ATP8A2: variants seen among roughly 807,000 people sequenced by gnomAD.
The protein encoded by ATP8A2 is phospholipid-transporting ATPase IB.
ATP8A2 carries 100 observed loss-of-function variants against 165.6 expected under a neutral mutation model. The ratio of observed to expected loss-of-function variants is 0.60; its 90% CI spans 0.51 to 0.71. ATP8A2 has a LOEUF of 0.71. ATP8A2 is among the 30% of genes least tolerant of loss of function. ATP8A2 has a pLI of 0.00. For missense variants in ATP8A2, 1,227 were observed against 1,479.5 expected, an observed-to-expected ratio of 0.83 and a Z score of 2.80; for synonymous variants, 543 against 548.8, an observed-to-expected ratio of 0.99 and a Z score of 0.15.
At chr13:25,729,822 G>A (rs1009560154) in intron 25 of ATP8A2, among the ~76,000 whole-genome samples, 2 of 152,134 alleles carry the variant, frequency 1.3e-5, no homozygotes, top group African/African-American at 4.8e-5. Context: ...ACATTGTTCG[G>A]GATGCTAAGT....
chr13:25,691,083 A>G (rs2042714674), intron 24 of ATP8A2, among the ~76,000 whole-genome samples: 1 of 152,246 alleles, frequency 6.6e-6, no homozygotes, highest in South Asian at 2.1e-4. Flanking sequence ...CTAGGTGAAT[A>G]GGCCAAACAG....
intron 1 of ATP8A2, among the ~76,000 whole-genome samples, chr13:25,421,471 A>C (rs956857695): frequency 2.6e-5 from 4 of 152,146 alleles, no homozygotes; most frequent in Non-Finnish European, 5.9e-5. Context: ...AGTAGCTAGG[A>C]CTACAGGCCC....
chr13:25,989,594 C>T (rs1194507146), intron 35 of ATP8A2, among the ~76,000 whole-genome samples: 1 of 152,180 alleles, frequency 6.6e-6, no homozygotes, highest in African/African-American at 2.4e-5. Context: ...AGCCCAAAGC[C>T]TTGCTTCAGA....
chr13:25,835,206 A>G (rs866962551), intron 28 of ATP8A2, among the ~76,000 whole-genome samples: 3 of 152,152 alleles, frequency 2.0e-5, no homozygotes, highest in Non-Finnish European at 4.4e-5. Context: ...ATGTACTAAG[A>G]AAGTGTGCAT....
At chr13:25,895,898 A>G (rs1953529119) in intron 33 of ATP8A2, among the ~76,000 whole-genome samples, 1 of 151,964 alleles carries the variant, frequency 6.6e-6, no homozygotes, top group Non-Finnish European at 1.5e-5. Flanking sequence ...GTCATTTTTT[A>G]TTGCATCCAT....
chr13:25,635,742 C>T (rs1022427187), intron 24 of ATP8A2, among the ~76,000 whole-genome samples: 2 of 152,176 alleles, frequency 1.3e-5, no homozygotes, highest in Non-Finnish European at 2.9e-5. Flanking sequence ...TTTTAGTGTC[C>T]TCACATCCCC....
At chr13:25,467,525 G>C (rs1266683660) in intron 1 of ATP8A2, among the ~76,000 whole-genome samples, 1 of 151,974 alleles carries the variant, frequency 6.6e-6, no homozygotes, top group African/African-American at 2.4e-5. Context: ...TTTGTAACAG[G>C]GAAGTGAAGG....
intron 1 of ATP8A2, among the ~76,000 whole-genome samples, chr13:25,441,296 G>A (rs1018048359): frequency 2.0e-5 from 3 of 152,200 alleles, no homozygotes; most frequent in African/African-American, 7.2e-5. Context: ...AGTCATAACT[G>A]ATGAAAATTC....
chr13:26,015,927 G>A (rs1489338916), intron 36 of ATP8A2, among the ~76,000 whole-genome samples: 1 of 152,218 alleles, frequency 6.6e-6, no homozygotes, highest in Non-Finnish European at 1.5e-5. Context: ...GGTTCATTAG[G>A]CAGAGCTGGG....
Position 25,478,690 on chromosome 13 carries a change from T to G in ATP8A2, c.221+9569T>G, listed in dbSNP as rs1000246224. ...ACTCTGATGGATTATTCTATGTATC[T>G]TCAGTCTACGTATAACATATACCAT... On this transcript the variant is annotated intron_variant, in intron 2 of 36. Transcript: ENST00000381655. 3.3e-5 allele frequency among the ~76,000 whole-genome samples: 5 copies of G among 152,320 alleles called. No individual in the cohort carries two copies. The South Asian group carries it at 8.3e-4, about 25-fold the overall frequency.
intron 24 of ATP8A2, among the ~76,000 whole-genome samples, chr13:25,593,230 G>C (rs1359727032): frequency 6.6e-6 from 1 of 152,136 alleles, no homozygotes; most frequent in Non-Finnish European, 1.5e-5. Flanking sequence ...TAACAATGCA[G>C]ATGGGACAGG....
At chr13:25,573,818 G>A (rs902568302) in intron 18 of ATP8A2, among the ~76,000 whole-genome samples, 12 of 152,024 alleles carry the variant, frequency 7.9e-5, no homozygotes, top group Non-Finnish European at 2.9e-5. Context: ...AGTGAATAAA[G>A]ATTGATGAAG....
chr13:25,697,036 C>T (rs375997796), intron 24 of ATP8A2, among the ~76,000 whole-genome samples: 1 of 152,144 alleles, frequency 6.6e-6, no homozygotes, highest in Non-Finnish European at 1.5e-5. Context: ...CACAGAGGCA[C>T]GAAGTGAGCC....
rs367950899 is a variant in ATP8A2 at position 25,911,077 on chromosome 13, GC to G, written c.3183+48673del. The stretch of plus-strand genomic sequence containing the variant: ...AACCCTGGTGGCTTCTTTAGAGCCA[GC>G]CCCTCCAAACAGCCCTGACACAATT... On this transcript the variant is annotated intron_variant, in intron 33 of 36. Coordinates refer to ENST00000381655, the MANE Select transcript of ATP8A2 (RefSeq NM_016529.6). Among the ~76,000 whole-genome samples, 368 of 152,150 alleles carry G rather than the reference GC, an allele frequency of 2.4e-3. 4 individuals are homozygous for G. Among genetic ancestry groups the G allele is most frequent in the African/African-American group, 8.4e-3 (347 of 41,508 alleles).
chr13:25,839,576 G>C lies in ATP8A2; in HGVS notation c.2908G>C (p.Val970Leu). The change falls in exon 30 of 37, where the codon GTC becomes CTC. Residue 970 changes from valine (V) to leucine (L), a missense_variant. Coordinates refer to ENST00000381655, the MANE Select transcript of ATP8A2 (RefSeq NM_016529.6). Reference sequence around the variant, plus strand: ...CTGGGGTCACTGCATCAACGCCTTGGTCCACTCCCTCATCCTCTTCTGGTT... The same window carrying C: ...CTGGGGTCACTGCATCAACGCCTTGCTCCACTCCCTCATCCTCTTCTGGTT... ...VFWGHCINAL[V>L]HSLILFWFPM... The C allele has an allele frequency of 6.2e-7, 1 of 1,614,066 alleles. No homozygotes were observed. The highest frequency in any genetic ancestry group is 8.5e-7 in the Non-Finnish European group (1 of 1,179,982).
intron 2 of ATP8A2, among the ~76,000 whole-genome samples, chr13:25,491,648 T>G (rs2036532543): frequency 6.6e-6 from 1 of 152,234 alleles, no homozygotes; most frequent in Non-Finnish European, 1.5e-5. Context: ...TTTTTACATC[T>G]AACATTTAAG....
At chr13:25,399,659 C>T (rs1183790895) in intron 1 of ATP8A2, among the ~76,000 whole-genome samples, 1 of 150,502 alleles carries the variant, frequency 6.6e-6, no homozygotes, top group Non-Finnish European at 1.5e-5. Context: ...GCCTCGGCCT[C>T]CCAAAGTGCT....
intron 34 of ATP8A2, among the ~76,000 whole-genome samples, chr13:25,967,128 C>G (rs570346822): frequency 6.6e-6 from 1 of 152,072 alleles, no homozygotes; most frequent in Admixed American, 6.5e-5. Flanking sequence ...TAATAATGAA[C>G]GGGGTACATT....
intron 35 of ATP8A2, among the ~76,000 whole-genome samples, chr13:25,986,679 G>A (rs770891581): frequency 2.0e-5 from 3 of 152,212 alleles, no homozygotes; most frequent in Non-Finnish European, 4.4e-5. Flanking sequence ...CAGTGCGGAT[G>A]TCTCTTCAAC....
Sources: allele counts gnomAD v4.1 joint callset (sites outside exome capture counted in the v4.1 genomes callset), GRCh38; gene constraint gnomAD v4.1.1; transcripts MANE v1.5; gene names NCBI Gene and HGNC (gene_info 2026-07-23, HGNC 2026-07-21).